The following PLEKHG5 variants were observed in gnomAD, a reference collection of about 807,000 sequenced individuals.
The protein encoded by PLEKHG5 is pleckstrin homology and RhoGEF domain containing G5.
A neutral mutation model predicts 103.8 loss-of-function variants in PLEKHG5; 52 were observed. The ratio of observed to expected loss-of-function variants is 0.50; its 90% CI spans 0.40 to 0.63. The LOEUF (loss-of-function observed/expected upper bound fraction) is 0.63. PLEKHG5 is among the 30% of genes least tolerant of loss of function. PLEKHG5 has a pLI of 0.00. For synonymous variants in PLEKHG5, 592 were observed against 575.5 expected (o/e 1.03, Z -0.41); for missense variants, 1,205 against 1,347.6 (o/e 0.89, Z 1.66).
chr1:6,485,977 A>ACC lies in PLEKHG5; in HGVS notation c.-88+5658_-88+5659dup, dbSNP rs372606355. ...GCTGGAGGCAGGGGGCGCTGGTGAC[A>ACC]CCCCCCCCCACCTTGGAGACTGTGG... On this transcript the variant is annotated intron_variant, in intron 1 of 20. Transcript: ENST00000377728. 0.011 allele frequency: 8,720 copies of ACC among 767,856 alleles called. 481 individuals are homozygous for ACC. In the African/African-American group the frequency reaches 0.16, roughly 14 times the overall value. 47.6% of individuals were successfully genotyped at this position (767,856 alleles called of 1,614,324 possible).
At chr1:6,476,889 G>T (rs1644777787) in intron 2 of PLEKHG5, among the ~76,000 whole-genome samples, 1 of 152,170 alleles carries the variant, frequency 6.6e-6, no homozygotes. Context: ...GAGCAGCTGG[G>T]ACCACAAGTG....
chr1:6,499,536 C>T (rs577007780), upstream of PLEKHG5, among the ~76,000 whole-genome samples: 26 of 152,302 alleles, frequency 1.7e-4, no homozygotes, highest in East Asian at 1.9e-3. Flanking sequence ...ATTGCGTAGG[C>T]GAGCTCCTCT....
At chr1:6,475,886 G>T (rs200005987) in intron 3 of PLEKHG5, 45 bp downstream of exon 3, 2 of 1,486,194 alleles carry the variant, frequency 1.3e-6, no homozygotes, top group Non-Finnish European at 1.9e-6. Context: ...AGACCCAGCC[G>T]TGGGGCCCTC....
Position 6,470,663 on chromosome 1 carries a change from C to CTTCA in PLEKHG5, c.1543-24_1543-21dup. ...GCCGATCTAGGGGCAGGTGAGGGAG[C>CTTCA]TTCAGGTCCAGGGTCATGACGGAGC... On this transcript the variant is annotated intron_variant, in intron 14 of 20. Coordinates refer to ENST00000377728, the MANE Select transcript of PLEKHG5 (RefSeq NM_020631.6). The CTTCA allele has an allele frequency of 6.4e-7, 1 of 1,559,468 alleles. No individual in the cohort carries two copies. The highest frequency in any genetic ancestry group is 1.2e-5 in the South Asian group (1 of 85,960).
chr1:6,474,608 A>G (rs748743601), intron 5 of PLEKHG5, 21 bp from the exon 6 acceptor site: 2 of 1,612,532 alleles, frequency 1.2e-6, no homozygotes, highest in East Asian at 2.2e-5. Context: ...GACAGGAGGC[A>G]TGTGTGTTAG....
At position 6,467,938 on chromosome 1, in the gene PLEKHG5, G is replaced by A; in HGVS notation, c.2898C>T (p.Pro966=). Residue 966 remains proline, a synonymous_variant, in exon 20 of 21, where the codon CCC becomes CCT. Coordinates refer to ENST00000377728, the MANE Select transcript of PLEKHG5 (RefSeq NM_020631.6). ...RCGDLPSGAS[P]RVQPEPPPGV... is the part of the protein sequence containing the mutation. The stretch of plus-strand genomic sequence containing the variant: ...CTGGTGGGGGCTCAGGCTGGACCCT[G>A]GGAGAGGCCCCCGAGGGCAGGTCTC... The A allele has an allele frequency of 6.3e-7, 1 of 1,584,372 alleles. No homozygotes were observed. Among genetic ancestry groups the A allele is most frequent in the Non-Finnish European group, 8.6e-7 (1 of 1,166,666 alleles).
chr1:6,485,509 A>G (rs1645010076), intron 1 of PLEKHG5: 3 of 1,230,640 alleles, frequency 2.4e-6, no homozygotes, highest in Non-Finnish European at 3.0e-6. Flanking sequence ...GCTTCCTGCC[A>G]TTGTGCGGCC....
At chr1:6,499,834 C>T (rs1179576350), upstream of PLEKHG5, among the ~76,000 whole-genome samples, 1 of 152,128 alleles carries the variant, frequency 6.6e-6, no homozygotes. Context: ...GGGTCTTGCT[C>T]TGTTACCCAG....
At position 6,470,764 on chromosome 1, in the gene PLEKHG5, G is replaced by A. The variant is rs530846615; in HGVS notation, c.1513C>T (p.Pro505Ser). 2.4e-5 allele frequency: 38 copies of A among 1,564,570 alleles called. No individual in the cohort carries two copies. In the South Asian group the frequency reaches 4.0e-4, roughly 16 times the overall value. ...GCGACGACGGCCTCCTTGGCGCGCG[G>A]CTCCTCGGTCTTCCTCAGCACCGAC... ...LKSVLRKTEEPRAKEAVVAMI... is the reference protein window; with the variant it reads ...LKSVLRKTEESRAKEAVVAMI... The change falls in exon 14 of 21, where the codon CCG becomes TCG. Residue 505 changes from proline (P) to serine (S), a missense_variant. Pro to Ser is a moderately conservative substitution (Grantham distance 74). Transcript: ENST00000377728.
At chr1:6,501,511 A>AC (rs1645296601), upstream of PLEKHG5, among the ~76,000 whole-genome samples, 1 of 152,182 alleles carries the variant, frequency 6.6e-6, no homozygotes, top group Non-Finnish European at 1.5e-5. This position sits in a 1 kb window ranked among gnomAD's most constrained non-coding sequence, Gnocchi z 4.3. Context: ...GGAACGACAC[A>AC]CAATGACCAC....
chr1:6,468,050 C>G lies in PLEKHG5; in HGVS notation c.2786G>C (p.Cys929Ser). Residue 929 changes from cysteine to serine, a missense_variant, in exon 20 of 21, where the codon TGC becomes TCC. Transcript: ENST00000377728. The stretch of plus-strand genomic sequence containing the variant: ...GCTGCCAGGGCTAGGGGCCCCTCGG[C>G]AATCCCAGCTGGGCCCAGCTTCCTG... ...SPQEAGPSWDCRGAPSPGSGP... is the reference protein window; with the variant it reads ...SPQEAGPSWDSRGAPSPGSGP... 1 of 1,565,614 alleles carries G rather than the reference C, an allele frequency of 6.4e-7. No homozygotes were observed. The highest frequency in any genetic ancestry group is 1.7e-4 in the Middle Eastern group (1 of 5,760).
At chr1:6,468,892 A>G in intron 19 of PLEKHG5, 150 bp downstream of exon 19, 2 of 752,056 alleles carry the variant, frequency 2.7e-6, no homozygotes, top group South Asian at 3.1e-5. Flanking sequence ...TGCCCTCCCC[A>G]CCCGGACTCT....
upstream of PLEKHG5, among the ~76,000 whole-genome samples, chr1:6,498,106 T>C (rs1446686079): frequency 6.6e-6 from 1 of 152,070 alleles, no homozygotes; most frequent in Admixed American, 6.5e-5. Context: ...AGCAAACCCT[T>C]TGCCCTACAG....
rs748803753 is a variant in PLEKHG5, at chr1:6,468,494, C to T, written c.2342G>A (p.Ser781Asn). 2 of 1,612,974 alleles carry T rather than the reference C, an allele frequency of 1.2e-6. No individual in the cohort carries two copies. The highest frequency in any genetic ancestry group is 8.5e-7 in the Non-Finnish European group (1 of 1,179,984). ...GAGAGAGGTCTCATCAGACTGGGAG[C>T]TGAAAGGACCGCTGTCGAACTCGGG... Reference protein sequence around the residue: ...SSPEFDSGPFSSQSDETSLST... With the variant: ...SSPEFDSGPFNSQSDETSLST... The change falls in exon 20 of 21, where the codon AGC becomes AAC. Residue 781 changes from serine to asparagine, a missense_variant. Transcript: ENST00000377728.
chr1:6,519,528 G>A, exon 1 of PLEKHG5: 1 of 1,608,732 alleles, frequency 6.2e-7, no homozygotes, highest in Non-Finnish European at 8.5e-7. Context: ...CCTCTGCGGT[G>A]GTGGCACCCT....
chr1:6,476,061 G>T (rs1284977063), intron 2 of PLEKHG5, 25 bp from the exon 3 acceptor site: 2 of 1,595,040 alleles, frequency 1.3e-6, no homozygotes, highest in East Asian at 4.5e-5. Flanking sequence ...GGAGAGGGTT[G>T]TGCCTCCCCC....
rs898809492 is a variant in PLEKHG5 at position 6,490,152 on chromosome 1, A to G, written c.-88+1485T>C. Among the ~76,000 whole-genome samples the G allele has an allele frequency of 3.2e-3, 493 of 152,124 alleles. 4 individuals are homozygous for G. The highest frequency in any genetic ancestry group is 0.011 in the African/African-American group (474 of 41,514). On this transcript the variant is annotated intron_variant, in intron 1 of 20. Coordinates refer to ENST00000377728, the MANE Select transcript of PLEKHG5 (RefSeq NM_020631.6). This position sits in a 1 kb window ranked among gnomAD's most constrained non-coding sequence, Gnocchi z 8.0. ...CCACGCCGCGCGCCCGGGCCCCTCC[A>G]GGATCCCCCTGCCCCGCCAATACCC...
chr1:6,516,856 G>A (rs1316832742), intron 1 of PLEKHG5, among the ~76,000 whole-genome samples: 1 of 39,932 alleles, frequency 2.5e-5, no homozygotes, highest in Non-Finnish European at 6.7e-5. Flanking sequence ...ATATGTGTGT[G>A]TATATATGTG....
chr1:6,475,708 G>C (rs891838046), intron 3 of PLEKHG5, among the ~76,000 whole-genome samples, 186 bp from the exon 4 acceptor site: 1 of 152,148 alleles, frequency 6.6e-6, no homozygotes, highest in African/African-American at 2.4e-5. Flanking sequence ...GAGTCACATC[G>C]AACGGTACCT....
Sources: gnomAD v4.1 joint callset for allele counts (sites outside exome capture counted in the v4.1 genomes callset) on GRCh38, gnomAD v4.1.1 for gene constraint, Gnocchi (gnomAD v3.1) non-coding constraint, MANE v1.5 for transcripts, NCBI Gene and HGNC (gene_info 2026-07-23, HGNC 2026-07-21) for gene names.